STPG2: variants seen among roughly 807,000 people sequenced by gnomAD.
STPG2 encodes sperm tail PG-rich repeat containing 2.
In STPG2, 56 loss-of-function variants were observed where a neutral mutation model predicts 54.2. The observed-to-expected ratio is 1.03, with a 90% CI of 0.83 to 1.29. The LOEUF is 1.29. Among genes scored for constraint, STPG2 ranks in the 50% most tolerant of loss-of-function variants. STPG2 has a pLI of 0.00. For synonymous variants in STPG2, 200 were observed against 181.8 expected, an observed-to-expected ratio of 1.10 and a Z score of -0.81; for missense variants, 596 against 544.9, an observed-to-expected ratio of 1.09 and a Z score of -0.93.
intron 8 of STPG2, among the ~76,000 whole-genome samples, chr4:97,882,330 C>A (rs1234212951): frequency 2.6e-5 from 4 of 152,244 alleles, no homozygotes; most frequent in Admixed American, 2.0e-4. Flanking sequence ...GTGAAACAAG[C>A]ACAAACTCCA....
chr4:97,678,303 T>A (rs1722918506), intron 10 of STPG2, among the ~76,000 whole-genome samples: 1 of 152,106 alleles, frequency 6.6e-6, no homozygotes, highest in South Asian at 2.1e-4. Flanking sequence ...ATTTCTCTAC[T>A]AACACAGAAG....
intron 9 of STPG2, among the ~76,000 whole-genome samples, chr4:97,781,639 T>G (rs1426547851): frequency 2.6e-5 from 4 of 152,134 alleles, no homozygotes; most frequent in Non-Finnish European, 4.4e-5. Context: ...AAAAAGAGAA[T>G]TTTAGACCAA....
intron 9 of STPG2, among the ~76,000 whole-genome samples, chr4:97,804,006 A>G (rs1278176020): frequency 6.6e-6 from 1 of 152,222 alleles, no homozygotes; most frequent in Non-Finnish European, 1.5e-5. Context: ...ACTATGCGCC[A>G]CAGAAGGAGA....
At chr4:97,894,004 C>T (rs1014808051) in intron 8 of STPG2, among the ~76,000 whole-genome samples, 18 of 151,842 alleles carry the variant, frequency 1.2e-4, no homozygotes, top group African/African-American at 3.1e-4. Flanking sequence ...TGTTTTCTTC[C>T]GTGCCAATAA....
intron 5 of STPG2, among the ~76,000 whole-genome samples, chr4:98,099,268 A>G (rs1305392283): frequency 7.2e-6 from 1 of 138,352 alleles, no homozygotes; most frequent in Admixed American, 7.1e-5. Context: ...TTCACAACAG[A>G]GAATTATTTA....
chr4:97,699,340 T>C (rs911773805), intron 10 of STPG2, among the ~76,000 whole-genome samples: 10 of 152,322 alleles, frequency 6.6e-5, no homozygotes, highest in Non-Finnish European at 1.5e-4. Flanking sequence ...GAATGGGTCA[T>C]ACTATCCAAT....
At chr4:97,979,660 A>G (rs1056617529) in intron 6 of STPG2, among the ~76,000 whole-genome samples, 1 of 152,088 alleles carries the variant, frequency 6.6e-6, no homozygotes, top group African/African-American at 2.4e-5. Context: ...CCGAGGTGGA[A>G]AGATCATTTA....
At chr4:97,748,088 T>C (rs1237298744) in intron 9 of STPG2, among the ~76,000 whole-genome samples, 1 of 151,480 alleles carries the variant, frequency 6.6e-6, no homozygotes, top group Non-Finnish European at 1.5e-5. Context: ...CTTCTGTTCC[T>C]TGCTACGGTG....
In STPG2 at chr4:97,750,241, C is replaced by T. The variant is rs936203; in HGVS notation, c.1205-37427G>A. On this transcript the variant is annotated intron_variant, in intron 9 of 10. Coordinates refer to ENST00000295268, the MANE Select transcript of STPG2 (RefSeq NM_174952.3). Reference sequence around the variant, plus strand: ...ATATATAGGCATCAGTTTCTACTCACCAGCATCTAGCTGACATGGTTATCA... The same window carrying T: ...ATATATAGGCATCAGTTTCTACTCATCAGCATCTAGCTGACATGGTTATCA... 3.5e-3 allele frequency among the ~76,000 whole-genome samples: 534 copies of T among 151,848 alleles called. 4 individuals carry two copies. The highest frequency in any genetic ancestry group is 0.013 in the African/African-American group (524 of 41,484).
intron 10 of STPG2, among the ~76,000 whole-genome samples, chr4:97,616,266 T>A (rs1733873056): frequency 6.6e-6 from 1 of 151,328 alleles, no homozygotes; most frequent in Non-Finnish European, 1.5e-5. Context: ...TTCCATATTA[T>A]TTCCTAAATG....
In STPG2 at chr4:97,559,062, A is replaced by G. The variant is rs762203939; in HGVS notation, c.1376T>C (p.Met459Thr). 4 of 1,603,866 alleles carry G rather than the reference A, an allele frequency of 2.5e-6. No homozygotes were observed. Among genetic ancestry groups the G allele is most frequent in the South Asian group, 1.1e-5 (1 of 88,386 alleles). Residue 459 changes from methionine (M) to threonine (T), a missense_variant, in exon 11 of 11, where the codon ATG (methionine) becomes ACG (threonine). Physicochemically the swap from Met to Thr is moderately conservative, Grantham distance 81. Transcript: ENST00000295268. ...AGTTTTTGCCATAAATTTATGTCACATTATATCAGCAGCCATTTCACCAAT... is the reference window on the plus strand; with the variant it reads ...AGTTTTTGCCATAAATTTATGTCACGTTATATCAGCAGCCATTTCACCAAT... ...NLIGEMAADIM is the reference protein window; with the variant it reads ...NLIGEMAADIT
rs4699314 is a variant in STPG2 at position 97,446,911 on chromosome 4, C to T, written c.463-259078G>A. Among the ~76,000 whole-genome samples, 444 of 152,216 alleles carry T rather than the reference C, an allele frequency of 2.9e-3. 2 individuals are homozygous for T. The highest frequency in any genetic ancestry group is 5.0e-3 in the Non-Finnish European group (340 of 68,002). On this transcript the variant is annotated intron_variant, in intron 4 of 4. Coordinates refer to the STPG2 transcript ENST00000522676. ...AATTGGTACAAGAAGTGGGGTACTG[C>T]TATAAAGATAACATGAAAATGTGGA...
chr4:97,868,649 T>G (rs910673232), intron 8 of STPG2, among the ~76,000 whole-genome samples: 4 of 151,824 alleles, frequency 2.6e-5, no homozygotes, highest in African/African-American at 9.7e-5. Flanking sequence ...CTCCTTTACA[T>G]TTTCTGGGTT....
intron 10 of STPG2, among the ~76,000 whole-genome samples, chr4:97,704,215 G>C (rs1036731393): frequency 6.6e-6 from 1 of 152,038 alleles, no homozygotes; most frequent in Non-Finnish European, 1.5e-5. Flanking sequence ...TTGACACTCA[G>C]TATTAACCAT....
At chr4:97,600,413 G>A (rs1733427897) in intron 10 of STPG2, among the ~76,000 whole-genome samples, 1 of 151,946 alleles carries the variant, frequency 6.6e-6, no homozygotes, top group Admixed American at 6.6e-5. Flanking sequence ...TATAAAATAA[G>A]CATACATATA....
chr4:97,772,899 T>G (rs1012755489), intron 9 of STPG2, among the ~76,000 whole-genome samples: 22 of 152,194 alleles, frequency 1.4e-4, no homozygotes, highest in Admixed American at 8.5e-4. Flanking sequence ...TTTGGAAGCC[T>G]GTACCATTGC....
intron 9 of STPG2, among the ~76,000 whole-genome samples, chr4:97,791,254 G>C (rs961676667): frequency 6.6e-6 from 1 of 152,076 alleles, no homozygotes; most frequent in South Asian, 2.1e-4. Context: ...TATAGGAATT[G>C]TTACAATCTC....
Position 97,712,455 on chromosome 4 carries a change from T to C in STPG2, c.1320+244A>G, listed in dbSNP as rs1293667473. Among the ~76,000 whole-genome samples, 7 of 152,078 alleles carry C rather than the reference T, an allele frequency of 4.6e-5. 1 individual carries two copies. Among genetic ancestry groups the C allele is most frequent in the Admixed American group, 4.6e-4 (7 of 15,264 alleles). On this transcript the variant is annotated intron_variant, in intron 10 of 10. Transcript: ENST00000295268. ...AATATTTGTAGTAATATAAATAAAT[T>C]ATATATATGAATACTGCAAAGCATA...
chr4:97,766,275 A>C (rs1726049578), intron 9 of STPG2, among the ~76,000 whole-genome samples: 1 of 152,064 alleles, frequency 6.6e-6, no homozygotes, highest in South Asian at 2.1e-4. Context: ...TAATTGGCAA[A>C]CGGAGGAAAG....
Sources: gnomAD v4.1 joint callset for allele counts (sites outside exome capture counted in the v4.1 genomes callset) on GRCh38, gnomAD v4.1.1 for gene constraint, MANE v1.5 for transcripts, NCBI Gene and HGNC (gene_info 2026-07-23, HGNC 2026-07-21) for gene names.